Variants in NDST4 observed in about 807,000 individuals in gnomAD.
NDST4 encodes N-deacetylase and N-sulfotransferase 4.
NDST4 carries 63 observed loss-of-function variants against 100.8 expected under a neutral mutation model. That is an observed-to-expected ratio of 0.62 (90% CI 0.51 to 0.77). The LOEUF (loss-of-function observed/expected upper bound fraction) is 0.77. NDST4 is among the 30% of genes least tolerant of loss of function. The pLI is 0.00. For synonymous variants in NDST4, 377 were observed against 361.8 expected, an observed-to-expected ratio of 1.04 and a Z score of -0.48; for missense variants, 943 against 1,018.4, an observed-to-expected ratio of 0.93 and a Z score of 1.01.
At chr4:114,833,008 T>C (rs1483082737) in intron 12 of NDST4, among the ~76,000 whole-genome samples, 1 of 152,116 alleles carries the variant, frequency 6.6e-6, no homozygotes, top group South Asian at 2.1e-4. Context: ...GCTCTAAACA[T>C]CATGAGCGAA....
chr4:115,093,526 G>T (rs1729563736), intron 1 of NDST4, among the ~76,000 whole-genome samples: 1 of 151,882 alleles, frequency 6.6e-6, no homozygotes, highest in Non-Finnish European at 1.5e-5. Context: ...TAACAAATTT[G>T]GTCTAAAAGA....
chr4:114,847,459 C>G (rs1376974753), intron 9 of NDST4, among the ~76,000 whole-genome samples: 1 of 125,794 alleles, frequency 7.9e-6, no homozygotes, highest in Non-Finnish European at 1.6e-5. Flanking sequence ...TGATGACACA[C>G]AAACTTACAT....
At chr4:114,889,999 T>C (rs903445845) in intron 6 of NDST4, among the ~76,000 whole-genome samples, 1 of 152,170 alleles carries the variant, frequency 6.6e-6, no homozygotes, top group Non-Finnish European at 1.5e-5. Context: ...TCTTGGTGCC[T>C]TTCTCAAGCT....
At chr4:114,898,872 T>C (rs1724772681) in intron 6 of NDST4, among the ~76,000 whole-genome samples, 1 of 152,198 alleles carries the variant, frequency 6.6e-6, no homozygotes, top group Non-Finnish European at 1.5e-5. Context: ...ATATTAACTT[T>C]GTACCTTGTG....
At chr4:114,889,990 C>T (rs1724559725) in intron 6 of NDST4, among the ~76,000 whole-genome samples, 1 of 152,122 alleles carries the variant, frequency 6.6e-6, no homozygotes, top group South Asian at 2.1e-4. Context: ...CTGAAAAAAT[C>T]TTGGTGCCTT....
chr4:115,051,293 A>T (rs1411018254), intron 2 of NDST4, among the ~76,000 whole-genome samples: 3 of 151,478 alleles, frequency 2.0e-5, no homozygotes, highest in Non-Finnish European at 4.4e-5. Context: ...ACATTTTTTT[A>T]TTTTGTTTTT....
At chr4:115,003,626 T>C (rs928916930) in intron 2 of NDST4, among the ~76,000 whole-genome samples, 10 of 152,062 alleles carry the variant, frequency 6.6e-5, no homozygotes, top group Non-Finnish European at 1.0e-4. Flanking sequence ...CCAGTACTTT[T>C]GGAGGCAGAG....
chr4:114,876,241 G>C (rs149192623), intron 6 of NDST4, among the ~76,000 whole-genome samples: 4 of 152,226 alleles, frequency 2.6e-5, no homozygotes, highest in African/African-American at 9.6e-5. Context: ...TGCCTTTGTG[G>C]CTCTGATAGC....
chr4:114,827,909 G>T lies in NDST4; in HGVS notation c.2526C>A (p.Tyr842Ter), dbSNP rs1195388241. The T allele has an allele frequency of 1.2e-6, 2 of 1,608,764 alleles. No homozygotes were observed. ...TGGATAGTTCCACATTATGATCTCGGTAGTAATTAGAGAGGAACGTTCTAG... is the reference window on the plus strand; with the variant it reads ...TGGATAGTTCCACATTATGATCTCGTTAGTAATTAGAGAGGAACGTTCTAG... ...PESRTFLSNY[Y>*]RDHNVELSKL... The change falls in exon 14 of 14, where the codon TAC (tyrosine) becomes TAA (stop). Residue 842 changes from tyrosine (Y) to a stop codon, truncating the protein, a stop_gained. Coordinates refer to ENST00000264363, the MANE Select transcript of NDST4 (RefSeq NM_022569.3). LOFTEE classifies it high-confidence loss of function.
At chr4:114,874,072 T>G (rs1438014513) in intron 6 of NDST4, among the ~76,000 whole-genome samples, 1 of 152,122 alleles carries the variant, frequency 6.6e-6, no homozygotes. Flanking sequence ...ATATTTTTTA[T>G]TTTGAATAAA....
At chr4:114,936,994 T>G (rs911562612) in intron 5 of NDST4, among the ~76,000 whole-genome samples, 11 of 152,116 alleles carry the variant, frequency 7.2e-5, no homozygotes, top group African/African-American at 2.7e-4. Context: ...CCCAACCAAA[T>G]AGATAATGAG....
chr4:114,902,765 CT>C (rs1724872038), intron 6 of NDST4, among the ~76,000 whole-genome samples: 1 of 151,864 alleles, frequency 6.6e-6, no homozygotes, highest in African/African-American at 2.4e-5. Flanking sequence ...TTTTCAGTCT[CT>C]TTTTTTCTTG....
At chr4:115,035,223 T>G (rs954147777) in intron 2 of NDST4, among the ~76,000 whole-genome samples, 1 of 152,148 alleles carries the variant, frequency 6.6e-6, no homozygotes, top group Non-Finnish European at 1.5e-5. Context: ...AAAAGACTTA[T>G]GCATTTCCGG....
chr4:114,997,280 A>T (rs1183300798), intron 2 of NDST4, among the ~76,000 whole-genome samples: 2 of 152,072 alleles, frequency 1.3e-5, no homozygotes, highest in African/African-American at 4.8e-5. Context: ...AAGAGGAGAA[A>T]ATTTATTGTT....
chr4:115,113,390 G>A (rs2110349542), intron 1 of NDST4, 54 bp downstream of exon 1: 1 of 152,000 alleles, frequency 6.6e-6, no homozygotes, highest in East Asian at 1.9e-4. Flanking sequence ...GCTAAGCAAC[G>A]CATATTCATT....
At chr4:114,970,635 T>A in intron 3 of NDST4, 51 bp from the exon 4 acceptor site, 1 of 1,488,838 alleles carries the variant, frequency 6.7e-7, no homozygotes, top group Non-Finnish European at 9.2e-7. Flanking sequence ...CTTACTATCT[T>A]AAAGGTTATT....
intron 4 of NDST4, among the ~76,000 whole-genome samples, chr4:114,940,242 TGACTTGATC>T (rs1171813800): frequency 2.0e-5 from 3 of 152,218 alleles, no homozygotes; most frequent in African/African-American, 7.2e-5. Context: ...CAGAGGGGTT[TGACTTGATC>T]TAATGTTTCC....
chr4:114,831,577 G>C (rs1156458248), intron 12 of NDST4, among the ~76,000 whole-genome samples: 1 of 152,152 alleles, frequency 6.6e-6, no homozygotes, highest in Non-Finnish European at 1.5e-5. Context: ...CACATGCTGA[G>C]AGCATCTCCT....
chr4:115,109,069 A>G (rs1208011014), intron 1 of NDST4, among the ~76,000 whole-genome samples: 1 of 151,576 alleles, frequency 6.6e-6, no homozygotes, highest in African/African-American at 2.4e-5. Context: ...GGGAGGAAGG[A>G]AGGAAAAAGT....
Sources: allele counts gnomAD v4.1 joint callset (sites outside exome capture counted in the v4.1 genomes callset), GRCh38; gene constraint gnomAD v4.1.1; transcripts MANE v1.5; gene names NCBI Gene and HGNC (gene_info 2026-07-23, HGNC 2026-07-21).